The following EXOSC7 variants were observed in gnomAD, a reference collection of about 807,000 sequenced individuals.
EXOSC7 encodes the protein exosome complex component RRP42.
A neutral mutation model predicts 34.3 loss-of-function variants in EXOSC7; 25 were observed. The observed-to-expected ratio is 0.73, with a 90% CI of 0.53 to 1.02. The LOEUF is 1.02. Among genes scored for constraint, EXOSC7 ranks in the 50% least tolerant of loss-of-function variants. EXOSC7 has a pLI of 0.00. For missense variants in EXOSC7, 370 were observed against 368.5 expected, an observed-to-expected ratio of 1.00 and a Z score of -0.03; for synonymous variants, 130 against 143.0, an observed-to-expected ratio of 0.91 and a Z score of 0.65.
At chr3:45,005,064 GAT>G (rs1320742190) in intron 5 of EXOSC7, 2 of 496,476 alleles carry the variant, frequency 4.0e-6, no homozygotes, top group Non-Finnish European at 7.2e-6. Flanking sequence ...TTTCCATTGG[GAT>G]ATCTGATTGA....
At chr3:44,982,789 T>A (rs1220542839) in intron 1 of EXOSC7, among the ~76,000 whole-genome samples, 2 of 152,236 alleles carry the variant, frequency 1.3e-5, no homozygotes, top group Non-Finnish European at 2.9e-5. Context: ...GAAAGCCTTA[T>A]GCCCAGACAC....
intron 7 of EXOSC7, among the ~76,000 whole-genome samples, chr3:45,010,993 G>A (rs1707194222): frequency 6.6e-6 from 1 of 152,198 alleles, no homozygotes; most frequent in Non-Finnish European, 1.5e-5. Context: ...TTTGTTGCCT[G>A]GTGGGGGCTG....
At chr3:44,991,430 G>T (rs1305899718) in intron 3 of EXOSC7, among the ~76,000 whole-genome samples, 1 of 152,200 alleles carries the variant, frequency 6.6e-6, no homozygotes, top group Non-Finnish European at 1.5e-5. Context: ...CTAATTCAAT[G>T]CAGTAAGCAG....
intron 1 of EXOSC7, among the ~76,000 whole-genome samples, chr3:44,983,607 C>T (rs1483621108): frequency 6.6e-6 from 1 of 152,158 alleles, no homozygotes; most frequent in African/African-American, 2.4e-5. Flanking sequence ...TCCTGGCATC[C>T]AGAAGCCCTT....
At chr3:44,995,219 G>T (rs377741828) in intron 3 of EXOSC7, among the ~76,000 whole-genome samples, 1 of 152,196 alleles carries the variant, frequency 6.6e-6, no homozygotes, top group Non-Finnish European at 1.5e-5. Flanking sequence ...CCGACCTCAG[G>T]TGATCCACCC....
chr3:45,005,335 A>T lies in EXOSC7; in HGVS notation c.536A>T (p.Asp179Val). The change falls in exon 6 of 8, where the codon GAC becomes GTC. Residue 179 changes from aspartate (D) to valine (V), a missense_variant. Around this residue, in one of 3 missense-constraint regions of EXOSC7, gnomAD observed 255 missense variants for 246.4 expected, o/e 1.03. Transcript: ENST00000265564. ...TTGGAGGATGAAGAGGGGTCGAAGG[A>T]CATTGAATTGTCAGATGACCCTTAT... ...RVLEDEEGSK[D>V]IELSDDPYDC... 6.2e-7 allele frequency: 1 copy of T among 1,614,224 alleles called. No individual in the cohort carries two copies. The highest frequency in any genetic ancestry group is 8.5e-7 in the Non-Finnish European group (1 of 1,180,020).
chr3:44,998,035 T>C (rs1441701315), intron 4 of EXOSC7, among the ~76,000 whole-genome samples: 1 of 151,088 alleles, frequency 6.6e-6, no homozygotes, highest in Admixed American at 6.6e-5. Context: ...TTTTTTGTTT[T>C]TTTGTTTTTT....
intron 1 of EXOSC7, among the ~76,000 whole-genome samples, chr3:44,980,675 C>A (rs1375081897): frequency 6.6e-6 from 1 of 152,166 alleles, no homozygotes; most frequent in Non-Finnish European, 1.5e-5. Flanking sequence ...CTTTTCTTTC[C>A]CCCTTTCTCT....
downstream of EXOSC7, chr3:45,012,446 G>A (rs777365127): frequency 6.6e-6 from 1 of 152,220 alleles, no homozygotes; most frequent in African/African-American, 2.4e-5. Context: ...GGCTTAATGG[G>A]GGAGCTTCTG....
chr3:44,978,744 G>GAAT (rs1706192258), intron 1 of EXOSC7, among the ~76,000 whole-genome samples: 1 of 152,166 alleles, frequency 6.6e-6, no homozygotes, highest in Non-Finnish European at 1.5e-5. Context: ...CCCAAGGGGT[G>GAAT]GGCTGGGGGA....
At chr3:44,995,146 A>G (rs1249905005) in intron 3 of EXOSC7, among the ~76,000 whole-genome samples, 4 of 151,890 alleles carry the variant, frequency 2.6e-5, no homozygotes, top group Non-Finnish European at 5.9e-5. Flanking sequence ...CCACGCCCAG[A>G]TAATTTTTGT....
At chr3:45,000,444 T>C (rs551821530) in intron 4 of EXOSC7, among the ~76,000 whole-genome samples, 1 of 152,328 alleles carries the variant, frequency 6.6e-6, no homozygotes, top group East Asian at 1.9e-4. Flanking sequence ...CCTTTCTTAT[T>C]TGGGGCAGCC....
At chr3:45,003,522 C>G (rs1231070393) in intron 5 of EXOSC7, among the ~76,000 whole-genome samples, 2 of 152,040 alleles carry the variant, frequency 1.3e-5, no homozygotes, top group East Asian at 3.9e-4. Context: ...CTAGATGTTG[C>G]CTTGTGTATG....
chr3:44,992,211 A>G (rs896271380), intron 3 of EXOSC7, among the ~76,000 whole-genome samples: 5 of 152,224 alleles, frequency 3.3e-5, no homozygotes, highest in Non-Finnish European at 7.3e-5. Context: ...AGCTCAAGGC[A>G]TTTGCCTATC....
intron 5 of EXOSC7, chr3:45,004,692 T>G (rs927309904): frequency 2.6e-5 from 4 of 152,048 alleles, no homozygotes; most frequent in Non-Finnish European, 5.9e-5. Flanking sequence ...AGACAGCCTC[T>G]TTTATGAAGA....
intron 1 of EXOSC7, among the ~76,000 whole-genome samples, chr3:44,988,727 A>G (rs1706487456): frequency 6.6e-6 from 1 of 152,210 alleles, no homozygotes; most frequent in African/African-American, 2.4e-5. Flanking sequence ...TTCAGTTGAG[A>G]TGATTGTACT....
In EXOSC7 at chr3:45,010,168, T is replaced by C. The variant is rs144181037; in HGVS notation, c.772-1067T>C. ...TGATAAGGTAGAGATTTGTGGTTGG[T>C]TCTTTGTATTCTTAAAATGATTCTT... On this transcript the variant is annotated intron_variant, in intron 7 of 7. Coordinates refer to ENST00000265564, the MANE Select transcript of EXOSC7 (RefSeq NM_015004.4). Among the ~76,000 whole-genome samples the C allele has an allele frequency of 3.3e-5, 5 of 152,316 alleles. No homozygotes were observed. The East Asian group carries it at 7.7e-4, about 23-fold the overall frequency.
intron 1 of EXOSC7, among the ~76,000 whole-genome samples, chr3:44,980,443 A>G (rs1218246784): frequency 6.6e-6 from 1 of 151,360 alleles, no homozygotes; most frequent in East Asian, 1.9e-4. Flanking sequence ...GGTAAATGTT[A>G]TCTCTATAGA....
chr3:44,988,214 A>G lies in EXOSC7; in HGVS notation c.58-926A>G, dbSNP rs565179171. Among the ~76,000 whole-genome samples the G allele has an allele frequency of 5.9e-5, 9 of 152,338 alleles. No individual in the cohort carries two copies. In the East Asian group the frequency reaches 1.5e-3, roughly 26 times the overall value. ...GTTGCAGAAAGTAGATAATTACTCA[A>G]AAAGTTGGAGGCATGTTGAAAGAGC... On this transcript the variant is annotated intron_variant, in intron 1 of 7. Coordinates refer to ENST00000265564, the MANE Select transcript of EXOSC7 (RefSeq NM_015004.4).
Sources: gnomAD v4.1 joint callset for allele counts (sites outside exome capture counted in the v4.1 genomes callset) on GRCh38, gnomAD v4.1.1 for gene constraint, gnomAD v4.1.1 regional missense constraint, MANE v1.5 for transcripts, NCBI Gene and HGNC (gene_info 2026-07-23, HGNC 2026-07-21) for gene names.